DMD: variants seen among roughly 807,000 people sequenced by gnomAD.
DMD encodes dystrophin, also known as mutant dystrophin.
A neutral mutation model predicts 330.1 loss-of-function variants in DMD; 63 were observed. The observed-to-expected ratio is 0.19, with a 90% CI of 0.16 to 0.24. The LOEUF is 0.24. Ranked by LOEUF, DMD falls within the 10% of genes least tolerant of loss-of-function variation. The pLI, the probability that DMD is intolerant of heterozygous loss-of-function variation, is 1.00. For missense variants in DMD, 3,344 were observed against 2,684.1 expected (o/e 1.25, Z -5.43); for synonymous variants, 1,223 against 959.8 (o/e 1.27, Z -5.07).
rs769312329 is a variant in DMD at position 33,009,230 on chromosome X, GTA to G, written c.93+10907_93+10908del. On this transcript the variant is annotated intron_variant, in intron 2 of 78. Transcript: ENST00000357033. ...TATATACACATATGTGCATATATGT[GTA>G]TATATACACATGTGCATATATGTGT... Among the ~76,000 whole-genome samples, 52 of 88,336 alleles carry G rather than the reference GTA, an allele frequency of 5.9e-4. 15 individuals are homozygous for G. The East Asian group carries it at 0.016, about 27-fold the overall frequency. 76.7% of individuals were successfully genotyped at this position (88,336 alleles called of 115,157 possible). A position where few individuals can be genotyped will look rare whatever the true frequency, so the allele number is the denominator to read the frequency against.
At position 31,904,806 on chromosome X, in the gene DMD, G is replaced by A. The variant is rs764396442; in HGVS notation, c.6912+24790C>T. ...GAAGCAAAGAATATGGATAATCTAT[G>A]CCTAGACTTCTGACCCATATGTATC... is the stretch of plus-strand genomic sequence containing the variant. On this transcript the variant is annotated intron_variant, in intron 47 of 78. Transcript: ENST00000357033. Among the ~76,000 whole-genome samples the A allele has an allele frequency of 7.2e-5, 8 of 111,736 alleles. No homozygotes were observed. The South Asian group carries it at 2.6e-3, about 37-fold the overall frequency.
At chrX:32,202,001 T>C (rs926917962) in intron 44 of DMD, among the ~76,000 whole-genome samples, 1 of 112,069 alleles carries the variant, frequency 8.9e-6, no homozygotes, top group Non-Finnish European at 1.9e-5. Context: ...TTTTATTTCC[T>C]TTTTGGGAAC....
At chrX:32,578,827 C>T (rs1456637726) in intron 13 of DMD, among the ~76,000 whole-genome samples, 4 of 111,360 alleles carry the variant, frequency 3.6e-5, no homozygotes, top group East Asian at 2.8e-4. Flanking sequence ...GCATCAGCAA[C>T]GGGGCTTTAT....
intron 7 of DMD, among the ~76,000 whole-genome samples, chrX:32,770,166 G>A (rs773147641): frequency 1.8e-5 from 2 of 111,715 alleles, no homozygotes; most frequent in East Asian, 2.8e-4. Context: ...GAAAGAACAT[G>A]GGGTTGTATT....
chrX:32,033,676 GGAAAGAAAGAAAGA>G (rs1253761191), intron 44 of DMD, among the ~76,000 whole-genome samples: 3 of 90,315 alleles, frequency 3.3e-5, no homozygotes, highest in African/African-American at 1.3e-4. Context: ...AAGAAAGGAA[GGAAAGAAAGAAAGA>G]GAAAGAAAGA....
At chrX:31,192,537 C>T (rs149234775) in intron 67 of DMD, among the ~76,000 whole-genome samples, 5 of 111,779 alleles carry the variant, frequency 4.5e-5, no homozygotes, top group Non-Finnish European at 9.4e-5. Context: ...AGTTGTTACC[C>T]GGAAGATCAG....
intron 60 of DMD, among the ~76,000 whole-genome samples, chrX:31,368,158 C>T (rs2059357575): frequency 8.9e-6 from 1 of 111,976 alleles, no homozygotes; most frequent in Non-Finnish European, 1.9e-5. Flanking sequence ...TGGGAGCTTC[C>T]TGGGTGGGCA....
intron 44 of DMD, among the ~76,000 whole-genome samples, chrX:32,149,185 G>A (rs1276242665): frequency 1.8e-5 from 2 of 111,657 alleles, no homozygotes; most frequent in South Asian, 3.8e-4. Context: ...CTCGTGACGA[G>A]CCAAGGCTAA....
At chrX:31,140,108 T>A (rs146216634) in intron 76 of DMD, among the ~76,000 whole-genome samples, 2,189 of 112,590 alleles carry the variant, frequency 0.019, 58 homozygotes, top group African/African-American at 0.066. Flanking sequence ...CATGGCAAGA[T>A]ATTCTTCAGT....
At chrX:32,036,490 C>T (rs1357390509) in intron 44 of DMD, among the ~76,000 whole-genome samples, 1 of 111,583 alleles carries the variant, frequency 9.0e-6, no homozygotes, top group African/African-American at 3.3e-5. Flanking sequence ...CTGCTTTATT[C>T]AACTAAGTGG....
At chrX:33,144,662 T>C (rs1236142871) in intron 1 of DMD, among the ~76,000 whole-genome samples, 1 of 111,785 alleles carries the variant, frequency 8.9e-6, no homozygotes, top group Non-Finnish European at 1.9e-5. Flanking sequence ...ACTAAGATGA[T>C]TGGAGAGTGT....
intron 1 of DMD, among the ~76,000 whole-genome samples, chrX:33,049,218 C>A (rs1397774195): frequency 8.9e-6 from 1 of 112,033 alleles, no homozygotes; most frequent in Admixed American, 9.5e-5. Context: ...AGTACAGAAA[C>A]TTCCCTGAAA....
chrX:31,452,973 C>T (rs748331297), intron 59 of DMD, among the ~76,000 whole-genome samples: 1 of 111,856 alleles, frequency 8.9e-6, no homozygotes, highest in East Asian at 2.8e-4. Context: ...TCAAAATACA[C>T]AAGGAACTCC....
At chrX:31,165,740 A>G (rs1371695712) in intron 74 of DMD, among the ~76,000 whole-genome samples, 1 of 112,381 alleles carries the variant, frequency 8.9e-6, no homozygotes, top group East Asian at 2.8e-4. Context: ...ATGTATCTGA[A>G]TTATATGTGG....
intron 2 of DMD, among the ~76,000 whole-genome samples, chrX:32,953,789 G>A (rs1421194577): frequency 3.6e-5 from 4 of 112,317 alleles, no homozygotes; most frequent in African/African-American, 1.3e-4. Flanking sequence ...AAACTAGGAA[G>A]AAGCTTGTAT....
At chrX:31,418,874 G>A (rs1382034820) in intron 60 of DMD, among the ~76,000 whole-genome samples, 1 of 112,373 alleles carries the variant, frequency 8.9e-6, no homozygotes, top group Admixed American at 9.4e-5. Flanking sequence ...TTCTGCCTTC[G>A]GTGATGACTA....
chrX:33,001,526 G>A (rs919886971), intron 2 of DMD, among the ~76,000 whole-genome samples: 8 of 109,505 alleles, frequency 7.3e-5, no homozygotes, highest in Non-Finnish European at 1.5e-4. Flanking sequence ...TATTATTCAA[G>A]GACTTTAGAC....
chrX:32,845,273 T>G (rs2080555896), intron 3 of DMD, among the ~76,000 whole-genome samples: 1 of 111,828 alleles, frequency 8.9e-6, no homozygotes, highest in Non-Finnish European at 1.9e-5. Context: ...CCAAATAGGG[T>G]TAAAGGAAAC....
chrX:32,720,304 C>T (rs1449656187), intron 7 of DMD, among the ~76,000 whole-genome samples: 1 of 111,415 alleles, frequency 9.0e-6, no homozygotes, highest in Admixed American at 9.6e-5. Context: ...ATTTTGCACC[C>T]ATTAAATGCC....
Sources: allele counts gnomAD v4.1 joint callset (sites outside exome capture counted in the v4.1 genomes callset), GRCh38; gene constraint gnomAD v4.1.1; transcripts MANE v1.5; gene names NCBI Gene and HGNC (gene_info 2026-07-23, HGNC 2026-07-21).